Variants in DNER observed in about 807,000 individuals in gnomAD.
DNER encodes the protein delta and Notch-like epidermal growth factor-related receptor.
A neutral mutation model predicts 78.2 loss-of-function variants in DNER; 33 were observed. The ratio of observed to expected loss-of-function variants is 0.42; its 90% CI spans 0.32 to 0.56. DNER has a LOEUF of 0.56. Among genes scored for constraint, DNER ranks in the 20% least tolerant of loss-of-function variants. DNER has a pLI of 0.11. For missense variants in DNER, 918 were observed against 975.3 expected (o/e 0.94, Z 0.78); for synonymous variants, 417 against 384.8 (o/e 1.08, Z -0.98).
intron 4 of DNER, among the ~76,000 whole-genome samples, chr2:229,569,957 G>A (rs1202525140): frequency 2.0e-5 from 3 of 152,094 alleles, no homozygotes; most frequent in East Asian, 1.9e-4. Context: ...GAAACCAAAC[G>A]TTTCAGAGGG....
At chr2:229,599,776 G>A (rs754495112) in intron 1 of DNER, among the ~76,000 whole-genome samples, 48 of 152,122 alleles carry the variant, frequency 3.2e-4, no homozygotes, top group Admixed American at 7.9e-4. Context: ...ATGCCTCAGC[G>A]AAAAGGGCAA....
At chr2:229,537,368 G>T (rs1440845617) in intron 5 of DNER, among the ~76,000 whole-genome samples, 3 of 152,192 alleles carry the variant, frequency 2.0e-5, no homozygotes, top group Non-Finnish European at 4.4e-5. Context: ...ACACTGCTGG[G>T]GGTGGAAGGC....
At chr2:229,641,134 A>G (rs1412211512) in intron 1 of DNER, among the ~76,000 whole-genome samples, 1 of 152,220 alleles carries the variant, frequency 6.6e-6, no homozygotes, top group African/African-American at 2.4e-5. Context: ...TGGTAATGGT[A>G]TGGACAGGAC....
At chr2:229,537,815 GT>G (rs1482687731) in intron 5 of DNER, among the ~76,000 whole-genome samples, 2 of 151,900 alleles carry the variant, frequency 1.3e-5, no homozygotes, top group Non-Finnish European at 2.9e-5. Context: ...GTGCAGGTTA[GT>G]TACATATGTA....
chr2:229,658,986 C>T (rs1574946764), intron 1 of DNER, among the ~76,000 whole-genome samples: 3 of 152,100 alleles, frequency 2.0e-5, no homozygotes, highest in East Asian at 1.9e-4. Flanking sequence ...TAACGTATCA[C>T]GTCTCTACAT....
chr2:229,483,969 T>C (rs1369054834), intron 6 of DNER, among the ~76,000 whole-genome samples: 2 of 152,240 alleles, frequency 1.3e-5, no homozygotes, highest in African/African-American at 4.8e-5. Flanking sequence ...CATCACTGTA[T>C]ACTTCTCATT....
chr2:229,387,509 G>GAAAGAACGAGAGAA (rs1553602522), intron 11 of DNER, among the ~76,000 whole-genome samples: 1 of 76,128 alleles, frequency 1.3e-5, no homozygotes, highest in African/African-American at 4.6e-5. Flanking sequence ...GAAAGAAAGA[G>GAAAGAACGAGAGAA]AGAAAGAAAG....
At chr2:229,625,377 C>T (rs913081327) in intron 1 of DNER, among the ~76,000 whole-genome samples, 3 of 152,154 alleles carry the variant, frequency 2.0e-5, no homozygotes, top group Admixed American at 6.5e-5. Flanking sequence ...TTACTGCCAC[C>T]TTCTCACATC....
At chr2:229,703,655 G>T (rs1699785716) in intron 1 of DNER, among the ~76,000 whole-genome samples, 1 of 152,338 alleles carries the variant, frequency 6.6e-6, no homozygotes, top group South Asian at 2.1e-4. Flanking sequence ...AAGGTGGGCA[G>T]ATTTCTTGAG....
intron 4 of DNER, among the ~76,000 whole-genome samples, chr2:229,560,316 G>A (rs573917172): frequency 4.7e-4 from 71 of 152,322 alleles, no homozygotes; most frequent in Non-Finnish European, 9.0e-4. Flanking sequence ...TGAGCAGTAC[G>A]TGTTGGAAAC....
At chr2:229,502,796 G>T (rs978201696) in intron 6 of DNER, among the ~76,000 whole-genome samples, 5 of 152,304 alleles carry the variant, frequency 3.3e-5, no homozygotes, top group Middle Eastern at 3.4e-3. Flanking sequence ...CTGAAACAAT[G>T]GTTGCCTGAA....
At chr2:229,561,931 G>A in intron 4 of DNER, among the ~76,000 whole-genome samples, 1 of 152,106 alleles carries the variant, frequency 6.6e-6, no homozygotes, top group East Asian at 1.9e-4. Context: ...CATTTACAAG[G>A]ACCGAGCACG....
chr2:229,616,926 C>A (rs1324446229), intron 1 of DNER, among the ~76,000 whole-genome samples: 1 of 152,174 alleles, frequency 6.6e-6, no homozygotes, highest in East Asian at 1.9e-4. Flanking sequence ...CTACAGGTTG[C>A]TCTGGCCATG....
At chr2:229,436,404 T>C (rs1410564121) in intron 8 of DNER, among the ~76,000 whole-genome samples, 1 of 152,208 alleles carries the variant, frequency 6.6e-6, no homozygotes, top group Non-Finnish European at 1.5e-5. Context: ...AGCGCTGTGA[T>C]GAACATATGT....
intron 1 of DNER, among the ~76,000 whole-genome samples, chr2:229,603,255 A>G (rs1697867275): frequency 6.6e-6 from 1 of 152,228 alleles, no homozygotes; most frequent in South Asian, 2.1e-4. Context: ...ACCTTATAGT[A>G]AACAAATATT....
chr2:229,629,504 A>G (rs1698399232), intron 1 of DNER, among the ~76,000 whole-genome samples: 1 of 152,196 alleles, frequency 6.6e-6, no homozygotes, highest in South Asian at 2.1e-4. Flanking sequence ...TGAATCAGCC[A>G]AGTTAGCAAC....
At chr2:229,525,225 T>A (rs190501310) in intron 5 of DNER, among the ~76,000 whole-genome samples, 1 of 152,362 alleles carries the variant, frequency 6.6e-6, no homozygotes, top group Admixed American at 6.5e-5. Context: ...CTAGTCAACC[T>A]AAAATTCTTT....
rs1028789659 is a variant in DNER at position 229,559,522 on chromosome 2, G to A, written c.848-12430C>T. Among the ~76,000 whole-genome samples, 4 of 152,228 alleles carry A rather than the reference G, an allele frequency of 2.6e-5. No homozygotes were observed. The South Asian group carries it at 8.3e-4, about 32-fold the overall frequency. Reference sequence around the variant, plus strand: ...ACAGCTTCGGGAGGTCAGACCTTTGGCAACGTTAGCATGGAAGAGGGAGAC... The same window carrying A: ...ACAGCTTCGGGAGGTCAGACCTTTGACAACGTTAGCATGGAAGAGGGAGAC... On this transcript the variant is annotated intron_variant, in intron 4 of 12. Coordinates refer to ENST00000341772, the MANE Select transcript of DNER (RefSeq NM_139072.4).
At chr2:229,413,542 C>T (rs950874115) in intron 9 of DNER, among the ~76,000 whole-genome samples, 7 of 151,196 alleles carry the variant, frequency 4.6e-5, no homozygotes, top group Non-Finnish European at 7.4e-5. Context: ...AGGCTGGTCT[C>T]GAACTCCTGA....
Sources: allele counts gnomAD v4.1 joint callset (sites outside exome capture counted in the v4.1 genomes callset), GRCh38; gene constraint gnomAD v4.1.1; transcripts MANE v1.5; gene names NCBI Gene and HGNC (gene_info 2026-07-23, HGNC 2026-07-21).